The following RBFOX1 variants were observed in gnomAD, a reference collection of about 807,000 sequenced individuals.
RBFOX1 encodes the protein RNA binding fox-1 homolog 1, also known as RNA binding protein fox-1 homolog 1.
Under a neutral mutation model 57.7 loss-of-function variants are expected in RBFOX1, and 8 were observed. The observed-to-expected ratio is 0.14, with a 90% CI of 0.08 to 0.25. RBFOX1 has a LOEUF of 0.25. Among genes scored for constraint, RBFOX1 ranks in the 10% least tolerant of loss-of-function variants. RBFOX1 has a pLI of 1.00. For missense variants in RBFOX1, 611 were observed against 548.5 expected, an observed-to-expected ratio of 1.11 and a Z score of -1.14; for synonymous variants, 326 against 222.4, an observed-to-expected ratio of 1.47 and a Z score of -4.15.
chr16:6,270,889 A>G (rs1011491396), intron 1 of RBFOX1, among the ~76,000 whole-genome samples: 2 of 152,220 alleles, frequency 1.3e-5, no homozygotes, highest in African/African-American at 4.8e-5. Context: ...TACCAGAAAG[A>G]TAACAGGAGA....
chr16:5,679,046 T>C (rs969460401), intron 3 of RBFOX1, among the ~76,000 whole-genome samples: 1 of 152,178 alleles, frequency 6.6e-6, no homozygotes, highest in Non-Finnish European at 1.5e-5. Context: ...AATTTAGCAG[T>C]TAATCACTTT....
At chr16:5,710,607 G>A (rs946340764) in intron 3 of RBFOX1, among the ~76,000 whole-genome samples, 2 of 152,210 alleles carry the variant, frequency 1.3e-5, no homozygotes, top group Non-Finnish European at 1.5e-5. Flanking sequence ...TGATTGTTGT[G>A]GTTGGGGAGG....
At chr16:5,466,154 C>T (rs2068946568) in intron 1 of RBFOX1, among the ~76,000 whole-genome samples, 1 of 152,232 alleles carries the variant, frequency 6.6e-6, no homozygotes, top group Non-Finnish European at 1.5e-5. Flanking sequence ...GGCAGAAGCG[C>T]AAGCTTGCGT....
At chr16:6,108,257 A>T (rs1418220131) in intron 1 of RBFOX1, among the ~76,000 whole-genome samples, 1 of 152,122 alleles carries the variant, frequency 6.6e-6, no homozygotes, top group Non-Finnish European at 1.5e-5. Context: ...AGGGTAGTGT[A>T]GCAGAGTGGT....
intron 4 of RBFOX1, among the ~76,000 whole-genome samples, chr16:5,966,946 ACACTGATTGAAAT>A (rs2059855689): frequency 1.6e-5 from 2 of 128,710 alleles, no homozygotes; most frequent in African/African-American, 5.8e-5. Context: ...CTCCAGTCTA[ACACTGATTGAAAT>A]GACCTACTTA....
intron 1 of RBFOX1, among the ~76,000 whole-genome samples, chr16:6,022,009 C>G (rs2095089639): frequency 6.6e-6 from 1 of 152,148 alleles, no homozygotes; most frequent in African/African-American, 2.4e-5. Flanking sequence ...CTTATACACA[C>G]ACGTTTTCTT....
chr16:6,068,675 A>C (rs36074067), intron 1 of RBFOX1, among the ~76,000 whole-genome samples: 4,180 of 152,294 alleles, frequency 0.027, 76 homozygotes, highest in Middle Eastern at 0.095. Flanking sequence ...CTGCAGAGGA[A>C]GGTCTTCAGG....
chr16:6,609,943 G>C (rs544435322), intron 2 of RBFOX1, among the ~76,000 whole-genome samples: 1 of 152,088 alleles, frequency 6.6e-6, no homozygotes, highest in African/African-American at 2.4e-5. Context: ...AGGAGGTGGA[G>C]GTTGCCGTGA....
chr16:6,303,067 C>G (rs2079012847), intron 1 of RBFOX1, among the ~76,000 whole-genome samples: 2 of 152,204 alleles, frequency 1.3e-5, no homozygotes, highest in East Asian at 1.9e-4. Context: ...GATAACTGCA[C>G]CAAGTTTGCC....
chr16:6,480,113 C>G (rs1597857499), intron 2 of RBFOX1, among the ~76,000 whole-genome samples: 1 of 151,144 alleles, frequency 6.6e-6, no homozygotes, highest in African/African-American at 2.4e-5. Flanking sequence ...ATAGTGTCAT[C>G]TCTAGGAAAA....
At chr16:5,745,802 A>C (rs546663110) in intron 3 of RBFOX1, among the ~76,000 whole-genome samples, 3 of 152,052 alleles carry the variant, frequency 2.0e-5, no homozygotes, top group African/African-American at 7.2e-5. Flanking sequence ...TTTTTCTTGT[A>C]AATTTGTTTG....
chr16:6,593,324 T>C (rs1020715639), intron 2 of RBFOX1, among the ~76,000 whole-genome samples: 12 of 152,220 alleles, frequency 7.9e-5, no homozygotes, highest in African/African-American at 2.4e-4. Flanking sequence ...GGTGGTGTTA[T>C]AATCAGTTCA....
chr16:6,902,172 T>C (rs1295419907), intron 3 of RBFOX1, among the ~76,000 whole-genome samples: 1 of 152,210 alleles, frequency 6.6e-6, no homozygotes, highest in East Asian at 1.9e-4. Flanking sequence ...GGGATATTCA[T>C]TGTTCTACCT....
chr16:7,109,205 A>G (rs1161852615), intron 4 of RBFOX1, among the ~76,000 whole-genome samples: 1 of 152,204 alleles, frequency 6.6e-6, no homozygotes, highest in Non-Finnish European at 1.5e-5. Flanking sequence ...TAAAACAAGT[A>G]TAAAGGATAC....
At chr16:7,702,014 C>G (rs1252332305) in intron 14 of RBFOX1, among the ~76,000 whole-genome samples, 2 of 152,146 alleles carry the variant, frequency 1.3e-5, no homozygotes, top group Non-Finnish European at 2.9e-5. Context: ...TGTTGTCTCT[C>G]CATGTACCTG....
In RBFOX1 at chr16:6,269,172, T is replaced by C. The variant is rs750248187; in HGVS notation, c.-126-47823T>C. 1.3e-4 allele frequency among the ~76,000 whole-genome samples: 20 copies of C among 152,226 alleles called. 1 individual carries two copies. Among genetic ancestry groups the C allele is most frequent in the Non-Finnish European group, 2.4e-4 (16 of 68,042 alleles). On this transcript the variant is annotated intron_variant, in intron 1 of 15. Coordinates refer to ENST00000550418, the MANE Select transcript of RBFOX1 (RefSeq NM_018723.4). ...TTCTCTTCTCTGCTGTTTTCAAAAT[T>C]ATGCTGTATGCTTAAGCAAAAATTA...
At chr16:5,773,034 A>G (rs1420735006) in intron 3 of RBFOX1, among the ~76,000 whole-genome samples, 1 of 152,090 alleles carries the variant, frequency 6.6e-6, no homozygotes, top group Non-Finnish European at 1.5e-5. Context: ...AAAGGAAAAG[A>G]TGAAGTTGCG....
intron 4 of RBFOX1, among the ~76,000 whole-genome samples, chr16:7,424,809 T>C (rs2098594174): frequency 6.6e-6 from 1 of 152,110 alleles, no homozygotes; most frequent in Non-Finnish European, 1.5e-5. Flanking sequence ...ATAATCACCT[T>C]TCTAGTTATT....
Position 5,580,966 on chromosome 16 carries a change from C to G in RBFOX1, c.259-17936C>G, listed in dbSNP as rs116430827. ...GGCTAAGGCAAGGGAAACAGTTTTCCTTTATCTCAACTCTTCAGGAGAGGC... is the reference window on the plus strand; with the variant it reads ...GGCTAAGGCAAGGGAAACAGTTTTCGTTTATCTCAACTCTTCAGGAGAGGC... On this transcript the variant is annotated intron_variant, in intron 2 of 2. Transcript: ENST00000585867. Among the ~76,000 whole-genome samples, 576 of 152,302 alleles carry G rather than the reference C, an allele frequency of 3.8e-3. 2 individuals carry two copies. Among genetic ancestry groups the G allele is most frequent in the African/African-American group, 0.013 (523 of 41,570 alleles).
Sources: allele counts gnomAD v4.1 joint callset (sites outside exome capture counted in the v4.1 genomes callset), GRCh38; gene constraint gnomAD v4.1.1; transcripts MANE v1.5; gene names NCBI Gene and HGNC (gene_info 2026-07-23, HGNC 2026-07-21).